Variants in RRM2 observed in about 807,000 individuals in gnomAD.
RRM2 encodes the protein ribonucleoside-diphosphate reductase subunit M2.
RRM2 carries 6 observed loss-of-function variants against 45.9 expected under a neutral mutation model. The observed-to-expected ratio is 0.13, with a 90% CI of 0.07 to 0.26. RRM2 has a LOEUF of 0.26. RRM2 is among the 10% of genes least tolerant of loss of function. The pLI, the probability that RRM2 is intolerant of heterozygous loss-of-function variation, is 1.00. For synonymous variants in RRM2, 177 were observed against 173.0 expected (o/e 1.02, Z -0.18); for missense variants, 343 against 489.5 (o/e 0.70, Z 2.82).
chr2:10,204,801 T>C lies in RRM2; in HGVS notation n.483-5510T>C, dbSNP rs1664633487. ...CAGGGTCCCTTTTCCTCTTCCAAGA[T>C]GGGTGGCACTGAACGCCGAGGCCAC... On this transcript the variant is annotated intron_variant and non_coding_transcript_variant, in intron 3 of 3. Coordinates refer to the RRM2 transcript ENST00000381786. The surrounding 1 kb of genome is among the most constrained non-coding windows in gnomAD (Gnocchi z 4.0). Among the ~76,000 whole-genome samples, 1 of 152,230 alleles carries C rather than the reference T, an allele frequency of 6.6e-6. No individual in the cohort carries two copies. The highest frequency in any genetic ancestry group is 6.5e-5 in the Admixed American group (1 of 15,290).
At chr2:10,184,635 G>T (rs993360534) in intron 3 of RRM2, among the ~76,000 whole-genome samples, 3 of 152,212 alleles carry the variant, frequency 2.0e-5, no homozygotes, top group African/African-American at 7.2e-5. Context: ...CTGCCTCCCG[G>T]CCCCTTGTTC....
rs542045326 is a variant in RRM2 at position 10,199,552 on chromosome 2, T to C, written n.483-10759T>C. Reference sequence around the variant, plus strand: ...ATCCCAGCACTTTGGGAGGCCGAGGTGGGCGGATCACAAGGTCAGGAGATC... The same window carrying C: ...ATCCCAGCACTTTGGGAGGCCGAGGCGGGCGGATCACAAGGTCAGGAGATC... On this transcript the variant is annotated intron_variant and non_coding_transcript_variant, in intron 3 of 3. Transcript: ENST00000381786. Among the ~76,000 whole-genome samples, 13 of 151,672 alleles carry C rather than the reference T, an allele frequency of 8.6e-5. 1 individual carries two copies. In the South Asian group the frequency reaches 1.7e-3, roughly 19 times the overall value.
chr2:10,199,786 A>AC, intron 3 of RRM2, among the ~76,000 whole-genome samples: 4 of 134,764 alleles, frequency 3.0e-5, no homozygotes, highest in South Asian at 4.8e-4. Flanking sequence ...TCTCAAAAAA[A>AC]AAAAAAAAAA....
chr2:10,152,657 A>T (rs1197687200), intron 3 of RRM2, among the ~76,000 whole-genome samples: 1 of 151,490 alleles, frequency 6.6e-6, no homozygotes, highest in African/African-American at 2.4e-5. Context: ...TAATTTTTGC[A>T]TTTTTAGTAG....
chr2:10,210,218 C>A, intron 3 of RRM2: 1 of 801,368 alleles, frequency 1.2e-6, no homozygotes, highest in Non-Finnish European at 1.9e-6. Context: ...CATGTTCCGG[C>A]TCCCTAGTGC....
At chr2:10,166,989 G>C (rs1663695982) in intron 3 of RRM2, among the ~76,000 whole-genome samples, 1 of 152,152 alleles carries the variant, frequency 6.6e-6, no homozygotes, top group Non-Finnish European at 1.5e-5. Flanking sequence ...ACTTTGCTGG[G>C]GCCAGTGTCA....
In RRM2 at chr2:10,195,254, G is replaced by A. The variant is rs1262635871; in HGVS notation, n.483-15057G>A. Among the ~76,000 whole-genome samples the A allele has an allele frequency of 6.6e-6, 1 of 152,154 alleles. No homozygotes were observed. Among genetic ancestry groups the A allele is most frequent in the East Asian group, 1.9e-4 (1 of 5,188 alleles). ...ACAGAATGGGAAGAGAGGCAGTGAG[G>A]CAGCCTCTCTGCAGAGGAGGGGCTT... is the stretch of plus-strand genomic sequence containing the variant. On this transcript the variant is annotated intron_variant and non_coding_transcript_variant, in intron 3 of 3. Transcript: ENST00000381786. The surrounding 1 kb of genome is among the most constrained non-coding windows in gnomAD (Gnocchi z 4.9).
intron 3 of RRM2, among the ~76,000 whole-genome samples, chr2:10,191,494 G>A (rs950553163): frequency 1.3e-5 from 2 of 152,222 alleles, no homozygotes. Flanking sequence ...CAGAGAGGCT[G>A]TGCCTGTGAG....
rs893643915 is a variant in RRM2 at position 10,195,299 on chromosome 2, C to T, written n.483-15012C>T. Reference sequence around the variant, plus strand: ...GGGCTTCACAGAGGAGGCAGCGGCTCAGGTGGTCCCAGGAGGATGGGTGGG... The same window carrying T: ...GGGCTTCACAGAGGAGGCAGCGGCTTAGGTGGTCCCAGGAGGATGGGTGGG... On this transcript the variant is annotated intron_variant and non_coding_transcript_variant, in intron 3 of 3. Coordinates refer to the RRM2 transcript ENST00000381786. This position sits in a 1 kb window ranked among gnomAD's most constrained non-coding sequence, Gnocchi z 4.9. Among the ~76,000 whole-genome samples the T allele has an allele frequency of 1.3e-5, 2 of 152,096 alleles. No homozygotes were observed. The highest frequency in any genetic ancestry group is 2.4e-5 in the African/African-American group (1 of 41,426).
intron 3 of RRM2, among the ~76,000 whole-genome samples, chr2:10,203,773 A>ATACG: frequency 6.6e-6 from 1 of 151,804 alleles, no homozygotes; most frequent in South Asian, 2.1e-4. Context: ...ACATACATAC[A>ATACG]TACATACATA....
intron 3 of RRM2, among the ~76,000 whole-genome samples, chr2:10,149,108 C>A (rs1204997801): frequency 6.6e-6 from 1 of 151,142 alleles, no homozygotes; most frequent in Non-Finnish European, 1.5e-5. Context: ...TGCTTGCTTT[C>A]TGGAGAGGAT....
At chr2:10,151,119 AG>A (rs1663303702) in intron 3 of RRM2, among the ~76,000 whole-genome samples, 1 of 151,742 alleles carries the variant, frequency 6.6e-6, no homozygotes, top group African/African-American at 2.4e-5. Flanking sequence ...GGCCTAGCAT[AG>A]TTATTTTGAA....
chr2:10,163,338 T>TG (rs1194295694), intron 3 of RRM2, among the ~76,000 whole-genome samples: 2 of 26,394 alleles, frequency 7.6e-5, no homozygotes, highest in South Asian at 1.6e-3. Flanking sequence ...GGCGGGGGGG[T>TG]GGGGGGGCAT....
intron 3 of RRM2, among the ~76,000 whole-genome samples, chr2:10,175,602 T>A (rs917576823): frequency 6.6e-6 from 1 of 152,076 alleles, no homozygotes; most frequent in African/African-American, 2.4e-5. Flanking sequence ...AAAAAAAATT[T>A]TATTTTAGTT....
intron 3 of RRM2, among the ~76,000 whole-genome samples, chr2:10,190,311 GTGA>G (rs1313650571): frequency 1.4e-5 from 2 of 143,218 alleles, no homozygotes; most frequent in African/African-American, 2.6e-5. Flanking sequence ...GGTGATGAGT[GTGA>G]TGATGTGATG....
chr2:10,171,104 C>T lies in RRM2; in HGVS notation n.482+28729C>T, dbSNP rs1572515306. Among the ~76,000 whole-genome samples the T allele has an allele frequency of 6.6e-6, 1 of 152,186 alleles. No individual in the cohort carries two copies. The highest frequency in any genetic ancestry group is 2.1e-4 in the South Asian group (1 of 4,818). ...CGCCACTCATCATTATAGGCTGCGC[C>T]ACTCATTATAGGCTGCGGGGCCTGC... On this transcript the variant is annotated intron_variant and non_coding_transcript_variant, in intron 3 of 3. Coordinates refer to the RRM2 transcript ENST00000381786. This position sits in a 1 kb window ranked among gnomAD's most constrained non-coding sequence, Gnocchi z 4.1.
upstream of RRM2, among the ~76,000 whole-genome samples, chr2:10,136,792 A>G (rs1346491347): frequency 6.6e-6 from 1 of 152,110 alleles, no homozygotes; most frequent in African/African-American, 2.4e-5. Context: ...TACCCTGGCC[A>G]TAGCCCCTGG....
intron 3 of RRM2, among the ~76,000 whole-genome samples, chr2:10,167,292 G>T (rs920250208): frequency 3.9e-5 from 6 of 152,220 alleles, no homozygotes; most frequent in Non-Finnish European, 7.3e-5. Flanking sequence ...AAGGGCAAAT[G>T]ACTGGAAGCA....
At position 10,169,177 on chromosome 2, in the gene RRM2, TCA is replaced by T. The variant is rs770633835; in HGVS notation, n.482+26805_482+26806del. Among the ~76,000 whole-genome samples, 217 of 149,236 alleles carry T rather than the reference TCA, an allele frequency of 1.5e-3. 2 individuals are homozygous for T. Among genetic ancestry groups the T allele is most frequent in the Non-Finnish European group, 2.8e-3 (187 of 67,494 alleles). ...TTTTTTTTTTTGTAGAGATGGGGTC[TCA>T]CAGTGTTGCCCAGGCTAGTTTTGAA... On this transcript the variant is annotated intron_variant and non_coding_transcript_variant, in intron 3 of 3. Transcript: ENST00000381786. The surrounding 1 kb of genome is among the most constrained non-coding windows in gnomAD (Gnocchi z 5.1).
Sources: gnomAD v4.1 joint callset for allele counts (sites outside exome capture counted in the v4.1 genomes callset) on GRCh38, gnomAD v4.1.1 for gene constraint, Gnocchi (gnomAD v3.1) non-coding constraint, MANE v1.5 for transcripts, NCBI Gene and HGNC (gene_info 2026-07-23, HGNC 2026-07-21) for gene names.